Variants in HDAC9 observed in about 807,000 individuals in gnomAD.
The protein encoded by HDAC9 is histone deacetylase 9.
A neutral mutation model predicts 139.4 loss-of-function variants in HDAC9; 41 were observed. The ratio of observed to expected loss-of-function variants is 0.29; its 90% CI spans 0.23 to 0.38. The LOEUF is 0.38. HDAC9 is among the 10% of genes least tolerant of loss of function. The probability of loss-of-function intolerance (pLI) is 1.00; values close to 1 mark genes in which losing one functional copy is unlikely to be tolerated. For synonymous variants in HDAC9, 517 were observed against 476.2 expected, an observed-to-expected ratio of 1.09 and a Z score of -1.12; for missense variants, 1,147 against 1,297.0, an observed-to-expected ratio of 0.88 and a Z score of 1.78.
At chr7:18,146,387 A>T (rs1296089359) in intron 1 of HDAC9, among the ~76,000 whole-genome samples, 1 of 152,194 alleles carries the variant, frequency 6.6e-6, no homozygotes, top group Non-Finnish European at 1.5e-5. Flanking sequence ...TGATTGAGAC[A>T]TAAATTTATT....
chr7:18,612,151 A>G (rs1837335887), intron 6 of HDAC9, among the ~76,000 whole-genome samples: 2 of 152,118 alleles, frequency 1.3e-5, no homozygotes, highest in South Asian at 4.1e-4. Flanking sequence ...AGATAAACTT[A>G]CAGGCCCATA....
At chr7:18,728,539 G>A (rs1385839494) in intron 13 of HDAC9, among the ~76,000 whole-genome samples, 2 of 152,046 alleles carry the variant, frequency 1.3e-5, no homozygotes, top group Admixed American at 6.6e-5. Context: ...TTCTAGTTCC[G>A]TGTTCTCAAA....
At chr7:18,110,865 T>C (rs1783568455) in intron 1 of HDAC9, among the ~76,000 whole-genome samples, 1 of 152,042 alleles carries the variant, frequency 6.6e-6, no homozygotes, top group African/African-American at 2.4e-5. Flanking sequence ...ATTTAAAAGA[T>C]GAGGAACGGA....
At chr7:18,126,376 C>A (rs1410106670) in intron 1 of HDAC9, among the ~76,000 whole-genome samples, 1 of 152,050 alleles carries the variant, frequency 6.6e-6, no homozygotes, top group Non-Finnish European at 1.5e-5. Flanking sequence ...CGTGTTTTTT[C>A]TGAGTCAGAC....
At chr7:18,849,829 G>T in intron 21 of HDAC9, among the ~76,000 whole-genome samples, 1 of 152,142 alleles carries the variant, frequency 6.6e-6, no homozygotes, top group Non-Finnish European at 1.5e-5. Flanking sequence ...GGTTAGAAAA[G>T]AACTTGGCTT....
intron 2 of HDAC9, among the ~76,000 whole-genome samples, chr7:18,196,227 T>C (rs1243913309): frequency 6.6e-6 from 1 of 152,130 alleles, no homozygotes; most frequent in Admixed American, 6.5e-5. Flanking sequence ...TGGGGTAAGA[T>C]TGGAGACATG....
intron 2 of HDAC9, among the ~76,000 whole-genome samples, chr7:18,540,500 C>T (rs1812471505): frequency 6.6e-6 from 1 of 152,056 alleles, no homozygotes; most frequent in African/African-American, 2.4e-5. Flanking sequence ...TTAAAAGAAG[C>T]CCTTATTCCA....
chr7:18,484,110 A>G (rs1350313137), intron 1 of HDAC9, among the ~76,000 whole-genome samples: 1 of 148,442 alleles, frequency 6.7e-6, no homozygotes, highest in Non-Finnish European at 1.5e-5. Flanking sequence ...TGGGAGGCTG[A>G]GGTGGGAGGA....
intron 2 of HDAC9, among the ~76,000 whole-genome samples, chr7:18,235,807 AAGAC>A (rs1793775077): frequency 6.6e-6 from 1 of 152,136 alleles, no homozygotes; most frequent in Admixed American, 6.5e-5. Context: ...TTAAGAGACA[AAGAC>A]TGATTATTTC....
intron 12 of HDAC9, among the ~76,000 whole-genome samples, chr7:18,694,197 C>G (rs1339847507): frequency 6.6e-6 from 1 of 151,860 alleles, no homozygotes; most frequent in African/African-American, 2.4e-5. Context: ...ATAACTGAGG[C>G]TGAAAAAAGA....
At position 18,960,409 on chromosome 7, in the gene HDAC9, A is replaced by G. The variant is rs142996966; in HGVS notation, c.3022+6179A>G. ...TATGTTATTGTTATTCTTTACTCTT[A>G]TTCGTCCTCCTCTTCCTATTATTAT... On this transcript the variant is annotated intron_variant, in intron 24 of 25. Transcript: ENST00000686413. Among the ~76,000 whole-genome samples the G allele has an allele frequency of 2.6e-5, 4 of 151,978 alleles. No individual in the cohort carries two copies. The South Asian group carries it at 8.3e-4, about 32-fold the overall frequency.
At chr7:18,299,959 TC>T (rs1697795344) in intron 1 of HDAC9, among the ~76,000 whole-genome samples, 2 of 152,250 alleles carry the variant, frequency 1.3e-5, no homozygotes, top group African/African-American at 4.8e-5. Flanking sequence ...TTCTTTATTA[TC>T]TCCTTTTGTT....
At chr7:18,796,453 A>G (rs185919430) in intron 17 of HDAC9, among the ~76,000 whole-genome samples, 1 of 152,310 alleles carries the variant, frequency 6.6e-6, no homozygotes, top group East Asian at 1.9e-4. Context: ...CTTAAATAGA[A>G]CATGTGCAGC....
chr7:18,776,026 G>T (rs1294134256), intron 16 of HDAC9, among the ~76,000 whole-genome samples: 3 of 151,976 alleles, frequency 2.0e-5, no homozygotes, highest in Non-Finnish European at 4.4e-5. Flanking sequence ...CAACCTCCTG[G>T]GCTCCAAAGA....
intron 22 of HDAC9, among the ~76,000 whole-genome samples, chr7:18,926,461 G>A (rs1340578698): frequency 6.6e-6 from 1 of 152,166 alleles, no homozygotes; most frequent in East Asian, 1.9e-4. Flanking sequence ...AACCTGTGAT[G>A]TAGAATAAGT....
intron 2 of HDAC9, among the ~76,000 whole-genome samples, chr7:18,172,085 T>A (rs1329548742): frequency 6.6e-6 from 1 of 152,204 alleles, no homozygotes; most frequent in Non-Finnish European, 1.5e-5. Context: ...GGACTTTTTT[T>A]GGTTGGTAGG....
At chr7:18,869,839 C>G (rs1798781959) in intron 21 of HDAC9, among the ~76,000 whole-genome samples, 1 of 151,678 alleles carries the variant, frequency 6.6e-6, no homozygotes, top group African/African-American at 2.4e-5. Context: ...TTCTGTGGTC[C>G]CATGAACGCA....
intron 1 of HDAC9, among the ~76,000 whole-genome samples, chr7:18,301,431 T>C (rs1254711719): frequency 1.3e-5 from 2 of 152,122 alleles, no homozygotes; most frequent in Non-Finnish European, 2.9e-5. Flanking sequence ...CTAGATACAT[T>C]ATAGATTTTT....
chr7:18,441,189 T>A (rs1413335521), intron 1 of HDAC9, among the ~76,000 whole-genome samples: 1 of 152,218 alleles, frequency 6.6e-6, no homozygotes, highest in Non-Finnish European at 1.5e-5. Flanking sequence ...GTCATTCTGT[T>A]CGTTTGTTAA....
Sources: gnomAD v4.1 joint callset for allele counts (sites outside exome capture counted in the v4.1 genomes callset) on GRCh38, gnomAD v4.1.1 for gene constraint, MANE v1.5 for transcripts, NCBI Gene and HGNC (gene_info 2026-07-23, HGNC 2026-07-21) for gene names.